Variants in PUM1 observed in about 807,000 individuals in gnomAD.
PUM1 encodes pumilio homolog 1.
A neutral mutation model predicts 131.8 loss-of-function variants in PUM1; 13 were observed. That is an observed-to-expected ratio of 0.10 (90% CI 0.06 to 0.16). The LOEUF is 0.16. PUM1 is among the 10% of genes least tolerant of loss of function. PUM1 has a pLI of 1.00. For synonymous variants in PUM1, 509 were observed against 556.5 expected, an observed-to-expected ratio of 0.91 and a Z score of 1.20; for missense variants, 961 against 1,512.4, an observed-to-expected ratio of 0.64 and a Z score of 6.05.
chr1:31,026,891 T>TCCATACA (rs1390967422), intron 3 of PUM1, among the ~76,000 whole-genome samples: 3 of 151,978 alleles, frequency 2.0e-5, no homozygotes, highest in Non-Finnish European at 2.9e-5. Flanking sequence ...ATATACTGTT[T>TCCATACA]TGTTATTAAC....
chr1:31,056,624 T>C (rs1178992919), intron 2 of PUM1, among the ~76,000 whole-genome samples: 1 of 106,770 alleles, frequency 9.4e-6, no homozygotes, highest in Admixed American at 1.1e-4. Flanking sequence ...TTTTTTTTTT[T>C]TTTTTTTTTT....
chr1:31,039,168 T>C (rs1423655820), intron 2 of PUM1, among the ~76,000 whole-genome samples: 3 of 148,026 alleles, frequency 2.0e-5, no homozygotes, highest in Non-Finnish European at 4.5e-5. Flanking sequence ...GGCTGACTTT[T>C]TAATTTTTTT....
Position 30,992,271 on chromosome 1 carries a change from G to T in PUM1, c.1158+119C>A, listed in dbSNP as rs536241962. 4.7e-5 allele frequency: 62 copies of T among 1,327,010 alleles called. No individual in the cohort carries two copies. In the South Asian group the frequency reaches 8.6e-4, roughly 18 times the overall value. The allele number at this position is 1,327,010 out of a possible 1,614,324, so 82.2% of individuals were successfully genotyped here. A position where few individuals can be genotyped will look rare whatever the true frequency, so the allele number is the denominator to read the frequency against. ...CTACATCACTAACAGGTTCACAAGG[G>T]CTAGCTATGGATAGCCTGAAACAAT... On this transcript the variant is annotated intron_variant, in intron 7 of 21. Transcript: ENST00000426105.
chr1:31,043,540 A>G (rs1643887361), intron 2 of PUM1, among the ~76,000 whole-genome samples: 1 of 152,120 alleles, frequency 6.6e-6, no homozygotes, highest in Non-Finnish European at 1.5e-5. Context: ...GTGATTTTAA[A>G]TACATATAAT....
At chr1:30,988,941 G>A (rs889743963) in intron 7 of PUM1, among the ~76,000 whole-genome samples, 2 of 152,076 alleles carry the variant, frequency 1.3e-5, no homozygotes, top group Non-Finnish European at 2.9e-5. Context: ...AGAACCCAAG[G>A]TTCCTAGAAG....
chr1:30,974,911 A>T (rs1381993445), intron 9 of PUM1, 109 bp from the exon 10 acceptor site: 11 of 781,890 alleles, frequency 1.4e-5, no homozygotes, highest in Non-Finnish European at 9.9e-6. Flanking sequence ...TATTAACTTA[A>T]AAGTATATAT....
At chr1:31,001,047 C>T (rs1197220114) in intron 5 of PUM1, among the ~76,000 whole-genome samples, 1 of 151,834 alleles carries the variant, frequency 6.6e-6, no homozygotes, top group African/African-American at 2.4e-5. Context: ...ATTAGCTGGG[C>T]ATGGTGGTGG....
At chr1:31,027,054 T>C (rs998335374) in intron 3 of PUM1, among the ~76,000 whole-genome samples, 2 of 152,184 alleles carry the variant, frequency 1.3e-5, no homozygotes. Context: ...TGAAATTGTT[T>C]GCTATTCAAT....
intron 6 of PUM1, among the ~76,000 whole-genome samples, chr1:30,994,524 T>A (rs1415673953): frequency 6.6e-6 from 1 of 152,184 alleles, no homozygotes; most frequent in African/African-American, 2.4e-5. Flanking sequence ...GAGATATGAT[T>A]AAGAACAAAT....
In PUM1 at chr1:30,992,658, C is replaced by T. The variant is rs151138493; in HGVS notation, c.890G>A (p.Arg297His). 3.8e-5 allele frequency: 61 copies of T among 1,610,834 alleles called. 1 individual carries two copies. Among genetic ancestry groups the T allele is most frequent in the South Asian group, 8.8e-5 (8 of 90,838 alleles). The change falls in exon 7 of 22, where the codon CGT becomes CAT. Residue 297 changes from arginine (R) to histidine (H), a missense_variant and splice_region_variant. Coordinates refer to ENST00000426105, the MANE Select transcript of PUM1 (RefSeq NM_001020658.2). Reference sequence around the variant, plus strand: ...AGAGTTCTGGCAATTACCAGGGGTACGGCTAAACAGAGAAAGTAAAGGGCA... The same window carrying T: ...AGAGTTCTGGCAATTACCAGGGGTATGGCTAAACAGAGAAAGTAAAGGGCA... ...GIDADVKDFS[R>H]TPGNCQNSAN...
intron 14 of PUM1, among the ~76,000 whole-genome samples, chr1:30,961,036 A>C (rs1033386556): frequency 7.2e-5 from 11 of 151,914 alleles, no homozygotes; most frequent in African/African-American, 2.7e-4. Context: ...CTCTACTAAA[A>C]ATAAAAAATT....
intron 7 of PUM1, among the ~76,000 whole-genome samples, chr1:30,984,926 C>T (rs956137337): frequency 6.6e-6 from 1 of 152,050 alleles, no homozygotes; most frequent in South Asian, 2.1e-4. Flanking sequence ...CCCCCACTCC[C>T]CCCTGGCCAC....
chr1:30,936,456 T>C (rs1321654927), intron 21 of PUM1, among the ~76,000 whole-genome samples, 187 bp downstream of exon 21: 9 of 152,168 alleles, frequency 5.9e-5, no homozygotes, highest in Admixed American at 5.2e-4. Flanking sequence ...TGGCTATTGA[T>C]AAGGGAGGGT....
At chr1:31,028,648 C>T in intron 3 of PUM1, 148 bp downstream of exon 3, 4 of 725,518 alleles carry the variant, frequency 5.5e-6, no homozygotes, top group East Asian at 2.5e-5. Context: ...TGGCAAAATT[C>T]TCCAGCATCC....
intron 1 of PUM1, among the ~76,000 whole-genome samples, chr1:31,065,396 G>T (rs189155274): frequency 6.6e-6 from 1 of 151,598 alleles, no homozygotes; most frequent in African/African-American, 2.4e-5. Context: ...CTTCGACCCC[G>T]CTCCCCACCC....
At chr1:31,029,630 G>A (rs1643344381) in intron 2 of PUM1, among the ~76,000 whole-genome samples, 1 of 152,210 alleles carries the variant, frequency 6.6e-6, no homozygotes, top group Non-Finnish European at 1.5e-5. Flanking sequence ...TGAGCAGCAA[G>A]CATGTCTCTG....
At chr1:30,944,853 G>A (rs1192546396) in intron 18 of PUM1, among the ~76,000 whole-genome samples, 5 of 152,310 alleles carry the variant, frequency 3.3e-5, no homozygotes, top group East Asian at 3.9e-4. Flanking sequence ...CATTAATGAC[G>A]GAAAGAAGAC....
intron 9 of PUM1, among the ~76,000 whole-genome samples, chr1:30,976,089 CAAAAA>C (rs11398686): frequency 7.6e-5 from 10 of 131,264 alleles, no homozygotes; most frequent in African/African-American, 2.5e-4. Context: ...AGTGTGTCTC[CAAAAA>C]AAAAAAAAAA....
In PUM1 at chr1:30,932,658, TATA is replaced by T. The variant is rs1278876332; in HGVS notation, c.*550_*552del. On this transcript the variant is annotated 3_prime_UTR_variant, in exon 22 of 22. Coordinates refer to ENST00000426105, the MANE Select transcript of PUM1 (RefSeq NM_001020658.2). The stretch of plus-strand genomic sequence containing the variant: ...TTTTCATTATATATATATATATATA[TATA>T]TATATTTTTTATAAACAGTGTTAAA... 3 of 147,388 alleles carry T rather than the reference TATA, an allele frequency of 2.0e-5. No individual in the cohort carries two copies. The highest frequency in any genetic ancestry group is 3.0e-5 in the Non-Finnish European group (2 of 66,924). 9.1% of individuals were successfully genotyped at this position (147,388 alleles called of 1,614,324 possible).
Sources: allele counts gnomAD v4.1 joint callset (sites outside exome capture counted in the v4.1 genomes callset), GRCh38; gene constraint gnomAD v4.1.1; transcripts MANE v1.5; gene names NCBI Gene and HGNC (gene_info 2026-07-23, HGNC 2026-07-21).